The following PEX5L variants were observed in gnomAD, a reference collection of about 807,000 sequenced individuals.
PEX5L encodes the protein peroxisomal biogenesis factor 5 like, also known as PEX5-related protein.
A neutral mutation model predicts 84.0 loss-of-function variants in PEX5L; 30 were observed. The ratio of observed to expected loss-of-function variants is 0.36; its 90% CI spans 0.27 to 0.48. PEX5L has a LOEUF of 0.48. Among genes scored for constraint, PEX5L ranks in the 20% least tolerant of loss-of-function variants. The pLI is 0.99. For missense variants in PEX5L, 533 were observed against 754.6 expected (o/e 0.71, Z 3.44); for synonymous variants, 270 against 283.1 (o/e 0.95, Z 0.46).
At chr3:179,839,047 A>AG (rs1736060699) in intron 8 of PEX5L, among the ~76,000 whole-genome samples, 1 of 151,926 alleles carries the variant, frequency 6.6e-6, no homozygotes. Context: ...GAAAAAAAAA[A>AG]TCTATTTTTT....
chr3:179,816,504 G>T (rs1022787779), intron 9 of PEX5L, among the ~76,000 whole-genome samples: 1 of 152,026 alleles, frequency 6.6e-6, no homozygotes, highest in Non-Finnish European at 1.5e-5. Flanking sequence ...ACCAAACACC[G>T]CATGTTCTCA....
Position 179,818,213 on chromosome 3 carries a change from G to A in PEX5L, c.939+1647C>T, listed in dbSNP as rs181654670. Among the ~76,000 whole-genome samples, 125 of 151,882 alleles carry A rather than the reference G, an allele frequency of 8.2e-4. 3 individuals are homozygous for A. The highest frequency in any genetic ancestry group is 3.3e-4 in the Admixed American group (5 of 15,272). On this transcript the variant is annotated intron_variant, in intron 9 of 14. Transcript: ENST00000467460. The stretch of plus-strand genomic sequence containing the variant: ...ACTGAATATTACTGAGACTTCCTCC[G>A]CCACAAAATAATAATATATACTTAT...
At chr3:179,838,633 TGTC>T (rs1363730154) in intron 8 of PEX5L, among the ~76,000 whole-genome samples, 1 of 152,206 alleles carries the variant, frequency 6.6e-6, no homozygotes, top group Non-Finnish European at 1.5e-5. Context: ...TCTTGACTGT[TGTC>T]TAACTAATAA....
intron 1 of PEX5L, among the ~76,000 whole-genome samples, chr3:179,994,508 C>T (rs1787675658): frequency 6.6e-6 from 1 of 152,094 alleles, no homozygotes. Context: ...ACCCCTTATC[C>T]CAGAGTAAAG....
rs1760004761 is a variant in PEX5L at position 179,898,167 on chromosome 3, T to G, written c.173A>C (p.Lys58Thr). The change falls in exon 3 of 15, where the codon AAG becomes ACG. Residue 58 changes from lysine (K) to threonine (T), a missense_variant. This residue lies in a region of PEX5L where 259 missense variants were observed against 301.7 expected (regional missense o/e 0.86). Transcript: ENST00000467460. ...EIPREESAEE[K>T]PLLTMTSQLV... ...CTGTGATGTCATAGTAAGGAGGGGC[T>G]TTTCTTCAGCAGACTCCTCCCTCGG... The G allele has an allele frequency of 6.2e-7, 1 of 1,612,932 alleles. No individual in the cohort carries two copies. Among genetic ancestry groups the G allele is most frequent in the African/African-American group, 1.3e-5 (1 of 74,882 alleles).
intron 8 of PEX5L, among the ~76,000 whole-genome samples, chr3:179,848,845 G>C (rs1740668867): frequency 1.3e-5 from 2 of 152,150 alleles, no homozygotes; most frequent in Non-Finnish European, 2.9e-5. Flanking sequence ...CTAAGACCCT[G>C]CCAATGGCGT....
intron 2 of PEX5L, among the ~76,000 whole-genome samples, chr3:179,903,252 G>T (rs1310701348): frequency 2.0e-5 from 3 of 151,798 alleles, no homozygotes; most frequent in Non-Finnish European, 2.9e-5. Context: ...ACAGTGTCTC[G>T]CTCTGTCACC....
intron 2 of PEX5L, among the ~76,000 whole-genome samples, chr3:179,920,549 G>A (rs773929422): frequency 6.6e-6 from 1 of 152,124 alleles, no homozygotes; most frequent in South Asian, 2.1e-4. Context: ...TGAACCTTAC[G>A]TGTTTGATCT....
At chr3:179,934,527 G>A (rs1774057952) in intron 2 of PEX5L, among the ~76,000 whole-genome samples, 1 of 152,196 alleles carries the variant, frequency 6.6e-6, no homozygotes, top group Non-Finnish European at 1.5e-5. Flanking sequence ...AGTCTCAGAG[G>A]TTAAACAACT....
intron 11 of PEX5L, 49 bp downstream of exon 11, chr3:179,811,750 TCA>T (rs778762913): frequency 4.1e-5 from 52 of 1,267,268 alleles, no homozygotes; most frequent in Non-Finnish European, 5.7e-5. Context: ...AACAGGAAGT[TCA>T]TTAACAAGTA....
At chr3:179,993,684 G>T (rs553902545) in intron 1 of PEX5L, among the ~76,000 whole-genome samples, 2 of 151,950 alleles carry the variant, frequency 1.3e-5, no homozygotes, top group East Asian at 3.9e-4. Context: ...TGTATTTTTA[G>T]TAGAGATGGT....
chr3:180,024,254 G>A (rs1014643676), intron 1 of PEX5L, among the ~76,000 whole-genome samples: 1 of 150,468 alleles, frequency 6.6e-6, no homozygotes, highest in Non-Finnish European at 1.5e-5. Context: ...AAGAGTAACT[G>A]TGCCCGGCAC....
intron 3 of PEX5L, among the ~76,000 whole-genome samples, chr3:179,892,574 G>A (rs952722543): frequency 1.3e-5 from 2 of 152,142 alleles, no homozygotes; most frequent in Non-Finnish European, 2.9e-5. Context: ...TATTGCATGG[G>A]TGTCCTCAAT....
At chr3:179,802,887 T>C (rs1226267110) in intron 14 of PEX5L, among the ~76,000 whole-genome samples, 1 of 151,960 alleles carries the variant, frequency 6.6e-6, no homozygotes, top group Non-Finnish European at 1.5e-5. Context: ...CAAGGATTAC[T>C]TTCCCTGAGT....
At chr3:179,952,244 C>T (rs1779283385) in intron 2 of PEX5L, among the ~76,000 whole-genome samples, 1 of 152,186 alleles carries the variant, frequency 6.6e-6, no homozygotes, top group Non-Finnish European at 1.5e-5. Flanking sequence ...ATACTCTTGT[C>T]TCTTTAGGAA....
intron 8 of PEX5L, among the ~76,000 whole-genome samples, chr3:179,824,872 G>A (rs1729833293): frequency 6.6e-6 from 1 of 152,188 alleles, no homozygotes; most frequent in African/African-American, 2.4e-5. Context: ...AGTAGTCCAG[G>A]CTGGCCAACG....
rs373181148 is a variant in PEX5L at position 180,015,674 on chromosome 3, A to G, written c.21+20905T>C. 4.2e-3 allele frequency among the ~76,000 whole-genome samples: 643 copies of G among 152,116 alleles called. 11 individuals carry two copies. The highest frequency in any genetic ancestry group is 0.015 in the African/African-American group (616 of 41,528). On this transcript the variant is annotated intron_variant, in intron 1 of 14. Coordinates refer to ENST00000467460, the MANE Select transcript of PEX5L (RefSeq NM_016559.3). ...GGATGGCCATGGTTATTCATGAACTAGAATTTCAGAGTTAGAGAGGGCCTC... is the reference window on the plus strand; with the variant it reads ...GGATGGCCATGGTTATTCATGAACTGGAATTTCAGAGTTAGAGAGGGCCTC...
intron 3 of PEX5L, among the ~76,000 whole-genome samples, chr3:179,894,383 A>AC (rs1404189251): frequency 2.6e-5 from 4 of 151,578 alleles, no homozygotes; most frequent in Non-Finnish European, 4.4e-5. Context: ...GGACTGCCCC[A>AC]CCCCCCACTT....
intron 2 of PEX5L, among the ~76,000 whole-genome samples, chr3:179,941,892 G>T (rs980326787): frequency 4.6e-5 from 7 of 151,128 alleles, no homozygotes; most frequent in African/African-American, 1.7e-4. Flanking sequence ...GTGGTGGTGG[G>T]CGCCTGTAAT....
Sources: allele counts gnomAD v4.1 joint callset (sites outside exome capture counted in the v4.1 genomes callset), GRCh38; gene constraint gnomAD v4.1.1; regional missense constraint gnomAD v4.1.1; transcripts MANE v1.5; gene names NCBI Gene and HGNC (gene_info 2026-07-23, HGNC 2026-07-21).